Variants in GSTCD observed in about 807,000 individuals in gnomAD.
GSTCD encodes glutathione S-transferase C-terminal domain containing, also known as glutathione S-transferase C-terminal domain-containing protein.
GSTCD carries 44 observed loss-of-function variants against 68.3 expected under a neutral mutation model. The observed-to-expected ratio is 0.64, with a 90% CI of 0.51 to 0.83. The LOEUF is 0.83. Among genes scored for constraint, GSTCD ranks in the 40% least tolerant of loss-of-function variants. GSTCD has a pLI of 0.00. For missense variants in GSTCD, 739 were observed against 735.9 expected, an observed-to-expected ratio of 1.00 and a Z score of -0.05; for synonymous variants, 273 against 255.2, an observed-to-expected ratio of 1.07 and a Z score of -0.67.
chr4:105,767,909 G>A (rs1018796492), intron 5 of GSTCD, among the ~76,000 whole-genome samples: 1 of 143,644 alleles, frequency 7.0e-6, no homozygotes, highest in Non-Finnish European at 1.5e-5. Flanking sequence ...ATTTCTCGAA[G>A]TGTCATCTTG....
chr4:105,807,318 C>G (rs1207683105), intron 5 of GSTCD: 1 of 152,022 alleles, frequency 6.6e-6, no homozygotes, highest in Non-Finnish European at 1.5e-5. Context: ...TAATCACAAG[C>G]CAATTATCAC....
At chr4:105,791,286 G>A (rs957574370) in intron 5 of GSTCD, among the ~76,000 whole-genome samples, 4 of 151,558 alleles carry the variant, frequency 2.6e-5, no homozygotes, top group African/African-American at 7.3e-5. Context: ...CCAGCTACTC[G>A]GGAGGCTGAG....
chr4:105,752,166 G>A (rs1292227875), intron 5 of GSTCD, among the ~76,000 whole-genome samples: 1 of 152,058 alleles, frequency 6.6e-6, no homozygotes, highest in East Asian at 1.9e-4. Flanking sequence ...TTCTGTTTGT[G>A]AGCCGTGAAA....
chr4:105,837,999 C>T, intron 10 of GSTCD, 110 bp downstream of exon 10: 1 of 425,728 alleles, frequency 2.3e-6, no homozygotes, highest in East Asian at 4.0e-5. Context: ...TTGAATAACT[C>T]ATGAATGTCT....
intron 5 of GSTCD, among the ~76,000 whole-genome samples, chr4:105,788,387 C>T (rs149495385): frequency 5.4e-4 from 82 of 152,014 alleles, no homozygotes; most frequent in Admixed American, 1.0e-3. Flanking sequence ...AGCTAAAGCC[C>T]GTTTTCTCAC....
intron 5 of GSTCD, among the ~76,000 whole-genome samples, chr4:105,731,943 G>A (rs1733258056): frequency 6.6e-6 from 1 of 152,152 alleles, no homozygotes; most frequent in South Asian, 2.1e-4. Context: ...TGCATCTATT[G>A]AGATAATCAT....
At chr4:105,812,335 G>A (rs546287655) in intron 5 of GSTCD, among the ~76,000 whole-genome samples, 5 of 152,188 alleles carry the variant, frequency 3.3e-5, no homozygotes, top group Non-Finnish European at 7.4e-5. Flanking sequence ...GCTTGTGCAT[G>A]CTTACACACT....
At chr4:105,765,620 A>G (rs1734573809) in intron 5 of GSTCD, among the ~76,000 whole-genome samples, 2 of 152,226 alleles carry the variant, frequency 1.3e-5, no homozygotes, top group South Asian at 2.1e-4. Flanking sequence ...TTTGTCATCA[A>G]TGATCTTTGT....
intron 5 of GSTCD, among the ~76,000 whole-genome samples, chr4:105,795,104 G>A (rs978538125): frequency 1.3e-5 from 2 of 151,998 alleles, no homozygotes; most frequent in Admixed American, 1.3e-4. Flanking sequence ...TCAAACTCCT[G>A]ACCTCAGGTG....
At chr4:105,774,000 G>A (rs563527033) in intron 5 of GSTCD, among the ~76,000 whole-genome samples, 104 of 152,268 alleles carry the variant, frequency 6.8e-4, no homozygotes, top group Non-Finnish European at 7.4e-5. Flanking sequence ...CAGTCTCTTT[G>A]TAGGTCTCTA....
At chr4:105,815,859 A>G (rs1314442326) in intron 5 of GSTCD, among the ~76,000 whole-genome samples, 4 of 152,206 alleles carry the variant, frequency 2.6e-5, no homozygotes, top group Non-Finnish European at 2.9e-5. Flanking sequence ...CTTAGACAAT[A>G]TTATGGACTT....
intron 5 of GSTCD, among the ~76,000 whole-genome samples, chr4:105,795,329 CCTTGTTCTT>C (rs1269018794): frequency 9.0e-6 from 1 of 111,142 alleles, no homozygotes; most frequent in Non-Finnish European, 1.9e-5. Flanking sequence ...ATCATGTTCT[CCTTGTTCTT>C]CATTTCTTAA....
At chr4:105,812,119 G>A (rs1335494723) in intron 5 of GSTCD, among the ~76,000 whole-genome samples, 1 of 152,154 alleles carries the variant, frequency 6.6e-6, no homozygotes, top group Admixed American at 6.5e-5. Context: ...ACAAGAGAGA[G>A]ATAATAGACA....
chr4:105,738,591 TTTCAC>T (rs1201222227), intron 5 of GSTCD, among the ~76,000 whole-genome samples: 1 of 152,206 alleles, frequency 6.6e-6, no homozygotes, highest in Non-Finnish European at 1.5e-5. Flanking sequence ...TCTAAAAGTC[TTTCAC>T]TTCTTTAGTT....
At chr4:105,723,651 G>T (rs1268857809) in intron 3 of GSTCD, among the ~76,000 whole-genome samples, 1 of 151,534 alleles carries the variant, frequency 6.6e-6, no homozygotes, top group African/African-American at 2.4e-5. Flanking sequence ...GATACTGAGG[G>T]ACAACTGTAA....
At chr4:105,715,303 A>T (rs1732649939) in intron 1 of GSTCD, among the ~76,000 whole-genome samples, 1 of 152,160 alleles carries the variant, frequency 6.6e-6, no homozygotes, top group Non-Finnish European at 1.5e-5. Flanking sequence ...ATTCAGCTTT[A>T]TAAAAAAACT....
chr4:105,829,977 AAAAG>A lies in GSTCD; in HGVS notation c.1530+4181_1530+4184del, dbSNP rs549378942. ...AAAAAAATAGAACTTAAAAAAAAGA[AAAAG>A]AAAAATGAAACTGGAAAGAAGCAAA... On this transcript the variant is annotated intron_variant, in intron 8 of 11. Coordinates refer to ENST00000515279, the MANE Select transcript of GSTCD (RefSeq NM_001370181.1). Among the ~76,000 whole-genome samples the A allele has an allele frequency of 8.5e-5, 13 of 152,272 alleles. No individual in the cohort carries two copies. In the South Asian group the frequency reaches 2.7e-3, roughly 32 times the overall value.
Position 105,836,534 on chromosome 4 carries a change from G to A in GSTCD, c.1665-1325G>A, listed in dbSNP as rs113299692. Among the ~76,000 whole-genome samples, 7 of 152,216 alleles carry A rather than the reference G, an allele frequency of 4.6e-5. 2 individuals carry two copies. The highest frequency in any genetic ancestry group is 1.7e-4 in the African/African-American group (7 of 41,534). ...TGCCCATGGCACCCAGGCTGTTTGT[G>A]CCAAGGGGTGCCTGCAGGCCCATGT... is the stretch of plus-strand genomic sequence containing the variant. On this transcript the variant is annotated intron_variant, in intron 9 of 11. Transcript: ENST00000515279.
intron 5 of GSTCD, among the ~76,000 whole-genome samples, chr4:105,803,835 T>C (rs1344740463): frequency 6.6e-6 from 1 of 152,052 alleles, no homozygotes; most frequent in Non-Finnish European, 1.5e-5. Context: ...GATATATTAT[T>C]AGAAATACAT....
Sources: allele counts gnomAD v4.1 joint callset (sites outside exome capture counted in the v4.1 genomes callset), GRCh38; gene constraint gnomAD v4.1.1; transcripts MANE v1.5; gene names NCBI Gene and HGNC (gene_info 2026-07-23, HGNC 2026-07-21).